Variants in SNX29 observed in about 807,000 individuals in gnomAD.
SNX29 encodes the protein sorting nexin-29.
Under a neutral mutation model 102.1 loss-of-function variants are expected in SNX29, and 78 were observed. The observed-to-expected ratio is 0.76, with a 90% confidence interval of 0.64 to 0.92. SNX29 has a LOEUF of 0.92. Among genes scored for constraint, SNX29 ranks in the 40% least tolerant of loss-of-function variants. The probability of loss-of-function intolerance (pLI) is 0.00; values close to 1 mark genes in which losing one functional copy is unlikely to be tolerated. For synonymous variants in SNX29, 580 were observed against 414.5 expected, an observed-to-expected ratio of 1.40 and a Z score of -4.85; for missense variants, 1,280 against 1,061.7, an observed-to-expected ratio of 1.21 and a Z score of -2.86.
chr16:12,331,587 G>T (rs1400604457), intron 15 of SNX29, among the ~76,000 whole-genome samples: 1 of 152,228 alleles, frequency 6.6e-6, no homozygotes, highest in East Asian at 1.9e-4. Context: ...GTCTCACTCT[G>T]TTGCCCAGGC....
At chr16:12,380,145 G>A (rs1333303224) in intron 16 of SNX29, among the ~76,000 whole-genome samples, 1 of 152,004 alleles carries the variant, frequency 6.6e-6, no homozygotes, top group African/African-American at 2.4e-5. Flanking sequence ...ACCCCAGGAA[G>A]AGTCCTTAGC....
At chr16:12,050,073 T>C (rs1567565030) in intron 7 of SNX29, among the ~76,000 whole-genome samples, 1 of 152,228 alleles carries the variant, frequency 6.6e-6, no homozygotes, top group African/African-American at 2.4e-5. Flanking sequence ...CCTGTGCTTC[T>C]CCAGCAGAGA....
At chr16:12,192,052 C>G (rs992284521) in intron 13 of SNX29, among the ~76,000 whole-genome samples, 20 of 152,174 alleles carry the variant, frequency 1.3e-4, no homozygotes, top group Admixed American at 1.2e-3. Context: ...AATGTACTTA[C>G]CAGGTTCGTT....
intron 10 of SNX29, among the ~76,000 whole-genome samples, chr16:12,077,007 C>G (rs2051606597): frequency 1.3e-5 from 2 of 152,152 alleles, no homozygotes; most frequent in Admixed American, 6.5e-5. Flanking sequence ...GGCATGGTGG[C>G]CCATGCCTGT....
chr16:12,212,074 G>A (rs536744249), intron 14 of SNX29, among the ~76,000 whole-genome samples: 1 of 152,174 alleles, frequency 6.6e-6, no homozygotes, highest in African/African-American at 2.4e-5. Context: ...CGTGTTCTAG[G>A]GATAGTGTAT....
chr16:12,199,086 G>A (rs1299251941), intron 13 of SNX29, among the ~76,000 whole-genome samples: 1 of 152,166 alleles, frequency 6.6e-6, no homozygotes, highest in Non-Finnish European at 1.5e-5. Context: ...CTCCTTATCT[G>A]TAAAATGAGG....
intron 20 of SNX29, among the ~76,000 whole-genome samples, chr16:12,529,645 A>T (rs1206683431): frequency 6.6e-6 from 1 of 152,194 alleles, no homozygotes; most frequent in African/African-American, 2.4e-5. Flanking sequence ...CTGGATTTTC[A>T]GCAGAAAACC....
intron 13 of SNX29, among the ~76,000 whole-genome samples, chr16:12,151,605 C>T (rs913818547): frequency 5.3e-5 from 8 of 152,240 alleles, no homozygotes; most frequent in Non-Finnish European, 1.0e-4. Flanking sequence ...CAGATCTTTG[C>T]AGGACGGTTT....
intron 14 of SNX29, among the ~76,000 whole-genome samples, chr16:12,240,585 CTTTTTTTTTT>C (rs1180028807): frequency 0.027 from 1,724 of 64,830 alleles, 32 homozygotes; most frequent in African/African-American, 0.093. Context: ...TTTGTCATTT[CTTTTTTTTTT>C]TTTTTTTTTT....
intron 18 of SNX29, among the ~76,000 whole-genome samples, chr16:12,450,441 G>A (rs1402203052): frequency 6.6e-6 from 1 of 152,184 alleles, no homozygotes; most frequent in East Asian, 1.9e-4. Context: ...TGAGAAAAGG[G>A]TACAGCTCTC....
chr16:12,402,502 C>T (rs944803465), intron 17 of SNX29, among the ~76,000 whole-genome samples: 4 of 152,164 alleles, frequency 2.6e-5, no homozygotes, highest in African/African-American at 7.2e-5. Flanking sequence ...GGTGCAGCAC[C>T]GTTTTGATAA....
chr16:12,427,768 G>A (rs2085141698), intron 18 of SNX29, among the ~76,000 whole-genome samples: 2 of 152,214 alleles, frequency 1.3e-5, no homozygotes, highest in African/African-American at 4.8e-5. Flanking sequence ...CTCTATGTTG[G>A]CTTCTGTTGA....
chr16:12,424,118 G>A (rs2151599005), intron 18 of SNX29, among the ~76,000 whole-genome samples: 1 of 152,364 alleles, frequency 6.6e-6, no homozygotes, highest in African/African-American at 2.4e-5. Context: ...TTAGTTTTAA[G>A]AGGATGACTT....
chr16:12,536,551 GC>G (rs1464594455), intron 20 of SNX29, among the ~76,000 whole-genome samples: 1 of 152,146 alleles, frequency 6.6e-6, no homozygotes, highest in Non-Finnish European at 1.5e-5. Flanking sequence ...ACTAATTATA[GC>G]CCCTACCTCA....
chr16:12,255,137 T>C (rs2078531932), intron 14 of SNX29, among the ~76,000 whole-genome samples: 1 of 152,234 alleles, frequency 6.6e-6, no homozygotes, highest in African/African-American at 2.4e-5. Context: ...ACATACTTTT[T>C]TTTGGTGTTG....
intron 13 of SNX29, among the ~76,000 whole-genome samples, chr16:12,136,744 G>GTTC (rs1172121275): frequency 4.6e-5 from 7 of 151,918 alleles, no homozygotes; most frequent in African/African-American, 1.7e-4. Context: ...TGTTGTTATT[G>GTTC]TTGTTGTTGT....
At chr16:12,120,416 G>A (rs1252781208) in intron 11 of SNX29, among the ~76,000 whole-genome samples, 2 of 152,230 alleles carry the variant, frequency 1.3e-5, no homozygotes, top group Non-Finnish European at 2.9e-5. Context: ...GAGAGAGTGT[G>A]TGTGCGCACA....
intron 14 of SNX29, among the ~76,000 whole-genome samples, chr16:12,234,856 T>C (rs1229961227): frequency 6.6e-6 from 1 of 152,204 alleles, no homozygotes; most frequent in Non-Finnish European, 1.5e-5. Flanking sequence ...GCTGAATGGA[T>C]GGATGATGGG....
intron 19 of SNX29, among the ~76,000 whole-genome samples, chr16:12,508,949 T>G (rs554368463): frequency 7.2e-5 from 11 of 152,226 alleles, no homozygotes; most frequent in Admixed American, 2.0e-4. Context: ...GAGCCTCATC[T>G]GTGAAATGTC....
Sources: gnomAD v4.1 joint callset for allele counts (sites outside exome capture counted in the v4.1 genomes callset) on GRCh38, gnomAD v4.1.1 for gene constraint, MANE v1.5 for transcripts, NCBI Gene and HGNC (gene_info 2026-07-23, HGNC 2026-07-21) for gene names.